MTREX: variants seen among roughly 807,000 people sequenced by gnomAD.
MTREX encodes the protein Mtr4 exosome RNA helicase, also known as exosome RNA helicase MTR4.
MTREX carries 76 observed loss-of-function variants against 135.4 expected under a neutral mutation model. That is an observed-to-expected ratio of 0.56 (90% CI 0.47 to 0.68). MTREX has a LOEUF of 0.68. Among genes scored for constraint, MTREX ranks in the 30% least tolerant of loss-of-function variants. The pLI is 0.00. For missense variants in MTREX, 920 were observed against 1,262.1 expected (o/e 0.73, Z 4.11); for synonymous variants, 404 against 401.6 (o/e 1.01, Z -0.07).
chr5:55,345,233 T>A, intron 10 of MTREX, 37 bp downstream of exon 10: 1 of 1,292,774 alleles, frequency 7.7e-7, no homozygotes, highest in Non-Finnish European at 1.1e-6. Flanking sequence ...ATTTTACATG[T>A]AAATTGTATA....
At chr5:55,359,756 G>A (rs761856192) in intron 15 of MTREX, among the ~76,000 whole-genome samples, 1 of 152,026 alleles carries the variant, frequency 6.6e-6, no homozygotes, top group Non-Finnish European at 1.5e-5. Context: ...TCCTTGTACT[G>A]TGTGTGTGGA....
Position 55,424,356 on chromosome 5 carries a change from G to A in MTREX, c.3077-364G>A, listed in dbSNP as rs189768678. 558 of 158,552 alleles carry A rather than the reference G, an allele frequency of 3.5e-3. 2 individuals are homozygous for A. Among genetic ancestry groups the A allele is most frequent in the Non-Finnish European group, 5.9e-3 (422 of 71,940 alleles). The allele number at this position is 158,552 out of a possible 1,614,324, so 9.8% of individuals were successfully genotyped here. A position where few individuals can be genotyped will look rare whatever the true frequency, so the allele number is the denominator to read the frequency against. On this transcript the variant is annotated intron_variant, in intron 26 of 26. Coordinates refer to ENST00000230640, the MANE Select transcript of MTREX (RefSeq NM_015360.5). Reference sequence around the variant, plus strand: ...GACGGGGTTTCTCCATGTTGGTCGGGCTGCTCTTGAACTCCTGACCTCAGG... The same window carrying A: ...GACGGGGTTTCTCCATGTTGGTCGGACTGCTCTTGAACTCCTGACCTCAGG...
At chr5:55,391,849 G>A (rs961054471) in intron 19 of MTREX, among the ~76,000 whole-genome samples, 6 of 151,912 alleles carry the variant, frequency 3.9e-5, no homozygotes, top group African/African-American at 1.5e-4. Flanking sequence ...ATTTATAACT[G>A]CTGTAACTTC....
Position 55,425,097 on chromosome 5 carries a change from G to GAAGT in MTREX, c.*326_*329dup. ...GCATCCAAGAGGCATAGCAGCAGCA[G>GAAGT]AAGTCTTTAAAGGCTTGTACACCAG... On this transcript the variant is annotated 3_prime_UTR_variant, in exon 27 of 27. Coordinates refer to ENST00000230640, the MANE Select transcript of MTREX (RefSeq NM_015360.5). 1 of 1,383,448 alleles carries GAAGT rather than the reference G, an allele frequency of 7.2e-7. No homozygotes were observed. Among genetic ancestry groups the GAAGT allele is most frequent in the South Asian group, 1.4e-5 (1 of 70,194 alleles). The allele number at this position is 1,383,448 out of a possible 1,614,324, so 85.7% of individuals were successfully genotyped here.
At chr5:55,356,537 C>A in intron 14 of MTREX, 1 of 201,200 alleles carries the variant, frequency 5.0e-6, no homozygotes, top group Non-Finnish European at 1.1e-5. Flanking sequence ...TCAGGGCCTG[C>A]AGTGTAGTCA....
At chr5:55,312,157 A>C (rs1749123923) in intron 1 of MTREX, among the ~76,000 whole-genome samples, 1 of 152,132 alleles carries the variant, frequency 6.6e-6, no homozygotes, top group Admixed American at 6.5e-5. Context: ...TTCTGTTTTT[A>C]TCATTTCTCT....
In MTREX at chr5:55,353,234, A is replaced by G; in HGVS notation, c.1498A>G (p.Asn500Asp). 1 of 1,609,980 alleles carries G rather than the reference A, an allele frequency of 6.2e-7. No individual in the cohort carries two copies. Among genetic ancestry groups the G allele is most frequent in the Middle Eastern group, 1.7e-4 (1 of 6,050 alleles). ...GCCAGCTAGAACTGTTTTATTTACA[A>G]ATGCCCGCAAATTTGATGGGAAGGA... ...NMPARTVLFT[N>D]ARKFDGKDFR... Residue 500 changes from asparagine (N) to aspartate (D), a missense_variant, in exon 14 of 27, where the codon AAT (asparagine) becomes GAT (aspartate). Asn to Asp is a conservative substitution (Grantham distance 23). Around this residue, in one of 6 missense-constraint regions of MTREX, gnomAD observed 46 missense variants for 116.8 expected, o/e 0.39. Transcript: ENST00000230640.
At chr5:55,340,802 C>A (rs926656334) in intron 6 of MTREX, among the ~76,000 whole-genome samples, 2 of 152,056 alleles carry the variant, frequency 1.3e-5, no homozygotes, top group Admixed American at 1.3e-4. Context: ...AGTATGGTCT[C>A]TATCTCCTGA....
In MTREX at chr5:55,425,067, A is replaced by C; in HGVS notation, c.*295A>C. On this transcript the variant is annotated 3_prime_UTR_variant, in exon 27 of 27. Transcript: ENST00000230640. ...GTTAAAGGTAACTATGTACACACAA[A>C]GTGTGCATCCAAGAGGCATAGCAGC... 1 of 1,146,238 alleles carries C rather than the reference A, an allele frequency of 8.7e-7. No homozygotes were observed. The highest frequency in any genetic ancestry group is 1.2e-6 in the Non-Finnish European group (1 of 809,636). 71.0% of individuals were successfully genotyped at this position (1,146,238 alleles called of 1,614,324 possible).
intron 1 of MTREX, 52 bp from the exon 2 acceptor site, chr5:55,322,275 T>G: frequency 6.6e-7 from 1 of 1,505,228 alleles, no homozygotes; most frequent in South Asian, 1.3e-5. Context: ...GATGTTGCCC[T>G]TAAAGTAAAA....
rs1263821477 is a variant in MTREX at position 55,425,310 on chromosome 5, T to G, written c.*538T>G. The G allele has an allele frequency of 1.1e-5, 17 of 1,607,772 alleles. No individual in the cohort carries two copies. The highest frequency in any genetic ancestry group is 1.4e-5 in the Non-Finnish European group (16 of 1,174,658). On this transcript the variant is annotated 3_prime_UTR_variant, in exon 27 of 27. Transcript: ENST00000230640. ...CTTTCTTTAAAAGAAGTTCTTTCTT[T>G]GAAGAAATCCGATACATATACAGCC...
At chr5:55,324,959 A>G (rs1749349696) in intron 3 of MTREX, among the ~76,000 whole-genome samples, 1 of 152,152 alleles carries the variant, frequency 6.6e-6, no homozygotes, top group Non-Finnish European at 1.5e-5. Context: ...ATGCTATTTC[A>G]TGTCTTGCTC....
intron 6 of MTREX, among the ~76,000 whole-genome samples, chr5:55,340,487 T>C (rs774903057): frequency 5.3e-5 from 8 of 152,206 alleles, no homozygotes; most frequent in Non-Finnish European, 1.0e-4. Flanking sequence ...GTTTTAAGCA[T>C]TTGAATATAT....
chr5:55,319,582 C>A (rs1474928356), intron 1 of MTREX, among the ~76,000 whole-genome samples: 2 of 152,130 alleles, frequency 1.3e-5, no homozygotes, highest in Admixed American at 6.5e-5. Context: ...GAGCATGCTA[C>A]CCTTATGAAC....
At chr5:55,315,190 G>A (rs558749236) in intron 1 of MTREX, among the ~76,000 whole-genome samples, 11 of 152,078 alleles carry the variant, frequency 7.2e-5, no homozygotes, top group Non-Finnish European at 1.5e-4. Flanking sequence ...ATTTCAATTC[G>A]TGTTAATTTA....
In MTREX at chr5:55,341,040, C is replaced by T. The variant is rs191976234; in HGVS notation, c.691-641C>T. 1.4e-4 allele frequency among the ~76,000 whole-genome samples: 21 copies of T among 152,044 alleles called. No individual in the cohort carries two copies. In the East Asian group the frequency reaches 1.7e-3, roughly 13 times the overall value. On this transcript the variant is annotated intron_variant, in intron 6 of 26. Transcript: ENST00000230640. ...TTTAATTATATCTTTGCATTTAACC[C>T]CAAGGATATGGTATAATGGTGAGCA... is the stretch of plus-strand genomic sequence containing the variant.
rs759595293 is a variant in MTREX at position 55,422,859 on chromosome 5, T to G, written c.2972-19T>G. ...TGATTATTTCCATTTTACCAGTGTT[T>G]TGTTCCTTTTCTATCCAGGCAGCAT... On this transcript the variant is annotated intron_variant, in intron 25 of 26. Coordinates refer to ENST00000230640, the MANE Select transcript of MTREX (RefSeq NM_015360.5). 1.3e-6 allele frequency: 2 copies of G among 1,598,526 alleles called. No individual in the cohort carries two copies. The highest frequency in any genetic ancestry group is 2.2e-5 in the East Asian group (1 of 44,798).
chr5:55,354,237 G>A (rs1561195228), intron 14 of MTREX, among the ~76,000 whole-genome samples: 1 of 152,204 alleles, frequency 6.6e-6, no homozygotes, highest in East Asian at 1.9e-4. Context: ...TGAGAAGTAT[G>A]TTCAGGGATA....
chr5:55,385,635 G>C (rs1750466033), intron 18 of MTREX, among the ~76,000 whole-genome samples: 1 of 151,966 alleles, frequency 6.6e-6, no homozygotes, highest in Non-Finnish European at 1.5e-5. Context: ...TTTTGGACTA[G>C]ATCTTTCTTT....
Sources: gnomAD v4.1 joint callset for allele counts (sites outside exome capture counted in the v4.1 genomes callset) on GRCh38, gnomAD v4.1.1 for gene constraint, gnomAD v4.1.1 regional missense constraint, MANE v1.5 for transcripts, NCBI Gene and HGNC (gene_info 2026-07-23, HGNC 2026-07-21) for gene names.